Variants in EXOC4 observed in about 807,000 individuals in gnomAD.
The protein encoded by EXOC4 is exocyst complex component 4.
A neutral mutation model predicts 107.2 loss-of-function variants in EXOC4; 71 were observed. That is an observed-to-expected ratio of 0.66 (90% confidence interval 0.55 to 0.81). The LOEUF (loss-of-function observed/expected upper bound fraction) is 0.81. EXOC4 is among the 30% of genes least tolerant of loss of function. The pLI, the probability that EXOC4 is intolerant of heterozygous loss-of-function variation, is 0.00. For missense variants in EXOC4, 1,108 were observed against 1,189.6 expected, an observed-to-expected ratio of 0.93 and a Z score of 1.01; for synonymous variants, 456 against 441.2, an observed-to-expected ratio of 1.03 and a Z score of -0.42.
intron 17 of EXOC4, among the ~76,000 whole-genome samples, chr7:134,015,382 T>C (rs1794879236): frequency 6.6e-6 from 1 of 152,248 alleles, no homozygotes; most frequent in South Asian, 2.1e-4. Flanking sequence ...GTACCTGGTA[T>C]GTAGTAGACA....
chr7:133,725,407 C>T (rs1036587563), intron 10 of EXOC4, among the ~76,000 whole-genome samples: 19 of 152,166 alleles, frequency 1.2e-4, no homozygotes, highest in Non-Finnish European at 2.1e-4. Context: ...TCGAGTTTCA[C>T]TCTTATCACC....
In EXOC4 at chr7:133,955,603, C is replaced by T. The variant is rs141716996; in HGVS notation, c.2206+17534C>T. On this transcript the variant is annotated intron_variant, in intron 14 of 17. Coordinates refer to ENST00000253861, the MANE Select transcript of EXOC4 (RefSeq NM_021807.4). ...CCTGGCCCCCAGGCTTCAGACCTTT[C>T]TTTACTTAAAGGTGGGGCTTCACCG... 5.6e-3 allele frequency among the ~76,000 whole-genome samples: 850 copies of T among 152,316 alleles called. 5 individuals carry two copies. In the Middle Eastern group the frequency reaches 0.058, roughly 10 times the overall value.
At chr7:133,571,906 C>T (rs890840542) in intron 9 of EXOC4, among the ~76,000 whole-genome samples, 1 of 152,070 alleles carries the variant, frequency 6.6e-6, no homozygotes, top group Non-Finnish European at 1.5e-5. Flanking sequence ...AAGTGAGGAC[C>T]CTCATGGCCT....
At chr7:133,745,238 T>G (rs1404485846) in intron 10 of EXOC4, among the ~76,000 whole-genome samples, 1 of 152,144 alleles carries the variant, frequency 6.6e-6, no homozygotes, top group Non-Finnish European at 1.5e-5. Flanking sequence ...CAAATAAGAA[T>G]GATGGGATAT....
In EXOC4 at chr7:134,005,102, C is replaced by T; in HGVS notation, c.2527+12C>T. On this transcript the variant is annotated intron_variant, in intron 16 of 17. Coordinates refer to ENST00000253861, the MANE Select transcript of EXOC4 (RefSeq NM_021807.4). ...GTATATCTTCGAAGGTCAGACCCTGCTTCTGTCTCTGGGAGTTTGGGAGGA... is the reference window on the plus strand; with the variant it reads ...GTATATCTTCGAAGGTCAGACCCTGTTTCTGTCTCTGGGAGTTTGGGAGGA... The T allele has an allele frequency of 5.6e-6, 9 of 1,607,044 alleles. No homozygotes were observed. Among genetic ancestry groups the T allele is most frequent in the Non-Finnish European group, 7.7e-6 (9 of 1,176,086 alleles).
chr7:133,359,751 T>C lies in EXOC4; in HGVS notation c.1007+3178T>C, dbSNP rs186659092. On this transcript the variant is annotated intron_variant, in intron 6 of 17. Transcript: ENST00000253861. ...ATGTTGTGTGCTATTTTGCTAGAAA[T>C]GTAGAAGGAAACAAACTAGTGAATT... 5.9e-5 allele frequency among the ~76,000 whole-genome samples: 9 copies of C among 152,214 alleles called. No individual in the cohort carries two copies. The East Asian group carries it at 1.7e-3, about 29-fold the overall frequency.
intron 11 of EXOC4, among the ~76,000 whole-genome samples, chr7:133,844,796 A>T (rs1798091746): frequency 6.6e-6 from 1 of 151,842 alleles, no homozygotes; most frequent in African/African-American, 2.4e-5. Context: ...CTCAAACTCA[A>T]CTCAGGTGTT....
chr7:133,879,473 T>C (rs1326484178), intron 11 of EXOC4, among the ~76,000 whole-genome samples: 1 of 152,238 alleles, frequency 6.6e-6, no homozygotes, highest in Non-Finnish European at 1.5e-5. Context: ...AATTTGGTAA[T>C]GCTGAAATAT....
At chr7:133,772,503 C>T (rs114949160) in intron 10 of EXOC4, among the ~76,000 whole-genome samples, 1,580 of 147,886 alleles carry the variant, frequency 0.011, 35 homozygotes, top group African/African-American at 0.037. Flanking sequence ...ACAATGTGCA[C>T]ATGTACCCTA....
chr7:133,947,537 A>G (rs1362722895), intron 14 of EXOC4, among the ~76,000 whole-genome samples: 1 of 152,188 alleles, frequency 6.6e-6, no homozygotes, highest in Non-Finnish European at 1.5e-5. Flanking sequence ...AACTACAAAA[A>G]CAAGGCTCAG....
intron 13 of EXOC4, among the ~76,000 whole-genome samples, chr7:133,933,968 TAG>T (rs10607695): frequency 0.42 from 64,101 of 151,884 alleles, 13,995 homozygotes; most frequent in South Asian, 0.61. Flanking sequence ...TTTTGGCATA[TAG>T]ATATCCAACC....
intron 12 of EXOC4, among the ~76,000 whole-genome samples, chr7:133,914,646 G>GA (rs11337806): frequency 6.6e-6 from 1 of 151,274 alleles, no homozygotes; most frequent in African/African-American, 2.4e-5. Context: ...AAAAAAAAAG[G>GA]AAAAAAAAAT....
At chr7:133,725,841 A>G (rs953591907) in intron 10 of EXOC4, among the ~76,000 whole-genome samples, 10 of 152,194 alleles carry the variant, frequency 6.6e-5, no homozygotes, top group Non-Finnish European at 1.3e-4. Context: ...GAGAGGTGCG[A>G]TGACCAGGCT....
chr7:133,528,582 C>G (rs986266351), intron 9 of EXOC4, among the ~76,000 whole-genome samples: 1 of 152,146 alleles, frequency 6.6e-6, no homozygotes, highest in South Asian at 2.1e-4. Context: ...TATGTTGATT[C>G]ATTCAAATAC....
At chr7:133,534,096 A>C (rs1800230403) in intron 9 of EXOC4, among the ~76,000 whole-genome samples, 1 of 152,110 alleles carries the variant, frequency 6.6e-6, no homozygotes, top group Non-Finnish European at 1.5e-5. Flanking sequence ...GTTTGTTTCC[A>C]GTGTTCCCTG....
chr7:133,785,675 TG>T (rs1461754403), intron 10 of EXOC4, among the ~76,000 whole-genome samples: 76 of 38,164 alleles, frequency 2.0e-3, no homozygotes, highest in East Asian at 0.013. Context: ...GTTTTGTTTT[TG>T]TTTTTGTTTT....
At chr7:133,904,657 G>A (rs182621983) in intron 12 of EXOC4, among the ~76,000 whole-genome samples, 3 of 152,280 alleles carry the variant, frequency 2.0e-5, no homozygotes, top group Non-Finnish European at 4.4e-5. Flanking sequence ...ATGGACCTGG[G>A]TTAAATTTTT....
chr7:133,849,152 T>C (rs981313154), intron 11 of EXOC4, among the ~76,000 whole-genome samples: 1 of 152,146 alleles, frequency 6.6e-6, no homozygotes, highest in Non-Finnish European at 1.5e-5. Flanking sequence ...AGAGACCAGG[T>C]GCAGTGAGTC....
chr7:134,018,409 T>G (rs1426141602), intron 17 of EXOC4, among the ~76,000 whole-genome samples: 2 of 152,122 alleles, frequency 1.3e-5, no homozygotes, highest in South Asian at 4.1e-4. Flanking sequence ...TTTACCTGCT[T>G]TATCATATAC....
Sources: allele counts gnomAD v4.1 joint callset (sites outside exome capture counted in the v4.1 genomes callset), GRCh38; gene constraint gnomAD v4.1.1; transcripts MANE v1.5; gene names NCBI Gene and HGNC (gene_info 2026-07-23, HGNC 2026-07-21).